The following CCDC7 variants were observed in gnomAD, a reference collection of about 807,000 sequenced individuals.
CCDC7 encodes the protein coiled-coil domain-containing protein 7.
Under a neutral mutation model 196.9 loss-of-function variants are expected in CCDC7, and 183 were observed. The ratio of observed to expected loss-of-function variants is 0.93; its 90% CI spans 0.82 to 1.05. The LOEUF is 1.05. Ranked by LOEUF, CCDC7 falls within the 50% of genes least tolerant of loss-of-function variation. The pLI is 0.00. For synonymous variants in CCDC7, 525 were observed against 484.6 expected (o/e 1.08, Z -1.10); for missense variants, 1,540 against 1,482.2 (o/e 1.04, Z -0.64).
intron 24 of CCDC7, among the ~76,000 whole-genome samples, chr10:32,707,842 A>T (rs1046090992): frequency 9.2e-5 from 14 of 152,208 alleles, no homozygotes; most frequent in African/African-American, 3.4e-4. Flanking sequence ...AAATGGAAGA[A>T]CATCCCATAC....
chr10:32,843,626 T>C (rs1216144818), intron 33 of CCDC7, among the ~76,000 whole-genome samples: 3 of 152,048 alleles, frequency 2.0e-5, no homozygotes, highest in African/African-American at 7.2e-5. Flanking sequence ...AGATTGTAAA[T>C]TACTTTAGCA....
At chr10:32,597,906 C>T (rs117144558) in intron 18 of CCDC7, among the ~76,000 whole-genome samples, 6,498 of 152,272 alleles carry the variant, frequency 0.043, 140 homozygotes, top group Middle Eastern at 0.065. Context: ...AGGTGTCAGT[C>T]GCCCCCCTAC....
At chr10:32,659,790 A>C (rs974247011) in intron 20 of CCDC7, among the ~76,000 whole-genome samples, 2 of 152,184 alleles carry the variant, frequency 1.3e-5, no homozygotes, top group Non-Finnish European at 2.9e-5. Context: ...TCTCACACCA[A>C]TCAGAATGGC....
intron 26 of CCDC7, among the ~76,000 whole-genome samples, chr10:32,728,663 C>A (rs16933664): frequency 0.046 from 6,975 of 152,180 alleles, 535 homozygotes; most frequent in African/African-American, 0.16. Flanking sequence ...AAAGTATAAA[C>A]TCATGAATCC....
intron 8 of CCDC7, among the ~76,000 whole-genome samples, chr10:32,490,922 G>T (rs1008295381): frequency 5.9e-5 from 9 of 152,092 alleles, no homozygotes; most frequent in African/African-American, 2.2e-4. Context: ...GCTTCTCCCA[G>T]TATCCTATTT....
intron 28 of CCDC7, among the ~76,000 whole-genome samples, chr10:32,747,238 A>C (rs111605311): frequency 1.6e-4 from 24 of 152,228 alleles, no homozygotes; most frequent in African/African-American, 5.8e-4. Flanking sequence ...AAAGACTTAA[A>C]TGTAAAACCT....
chr10:32,816,789 G>A (rs533514225), intron 31 of CCDC7, among the ~76,000 whole-genome samples: 5 of 152,140 alleles, frequency 3.3e-5, no homozygotes, highest in African/African-American at 1.2e-4. Flanking sequence ...ACTATTAGAA[G>A]GAAAACTAAC....
At chr10:32,738,380 A>G (rs1442035000) in intron 28 of CCDC7, among the ~76,000 whole-genome samples, 1 of 151,974 alleles carries the variant, frequency 6.6e-6, no homozygotes, top group Non-Finnish European at 1.5e-5. Flanking sequence ...TATATAAGCT[A>G]TAATCATGGA....
chr10:32,682,584 G>GTT lies in CCDC7; in HGVS notation c.2123-3385_2123-3384insTT, dbSNP rs537659794. 2.5e-4 allele frequency among the ~76,000 whole-genome samples: 38 copies of GTT among 152,276 alleles called. 1 individual carries two copies. In the East Asian group the frequency reaches 7.1e-3, roughly 29 times the overall value. ...AGAAATTTCCAAACTGTTTTCCACA[G>GTT]TGGCTGAACTTATTTACATTCCCAT... On this transcript the variant is annotated intron_variant, in intron 21 of 41. Coordinates refer to ENST00000639629, the Ensembl canonical transcript of CCDC7.
intron 24 of CCDC7, among the ~76,000 whole-genome samples, chr10:32,710,378 G>T (rs1376089330): frequency 6.6e-6 from 1 of 152,140 alleles, no homozygotes; most frequent in Non-Finnish European, 1.5e-5. Flanking sequence ...AAATCAGCTC[G>T]CAGGTTCTCT....
rs189627598 is a variant in CCDC7, at chr10:32,800,921, C to T, written c.3014-4094C>T. 7.9e-3 allele frequency among the ~76,000 whole-genome samples: 1,204 copies of T among 152,214 alleles called. 7 individuals are homozygous for T. The highest frequency in any genetic ancestry group is 0.02 in the Middle Eastern group (6 of 294). ...CTAGCAATTTCACTTCTAGAAACACCGTGATTAATTAGCCAATGCCAGAGC... is the reference window on the plus strand; with the variant it reads ...CTAGCAATTTCACTTCTAGAAACACTGTGATTAATTAGCCAATGCCAGAGC... On this transcript the variant is annotated intron_variant, in intron 29 of 41. Coordinates refer to ENST00000639629, the Ensembl canonical transcript of CCDC7.
At chr10:32,454,488 C>T (rs867403188) in intron 2 of CCDC7, among the ~76,000 whole-genome samples, 3 of 151,736 alleles carry the variant, frequency 2.0e-5, no homozygotes, top group Admixed American at 6.6e-5. Context: ...ACTTGGGTGA[C>T]GGGATCATTG....
chr10:32,694,968 C>T, exon 24 of CCDC7: 1 of 1,598,776 alleles, frequency 6.3e-7, no homozygotes, highest in Non-Finnish European at 8.5e-7. Context: ...AACCAAAAAA[C>T]TTCCTAGAGA....
intron 9 of CCDC7, among the ~76,000 whole-genome samples, chr10:32,493,725 C>G (rs1461843821): frequency 3.3e-5 from 5 of 151,768 alleles, no homozygotes; most frequent in African/African-American, 1.2e-4. Flanking sequence ...TTGATAATAG[C>G]CATTTTTTTT....
At chr10:32,628,591 T>A (rs889936238) in intron 18 of CCDC7, among the ~76,000 whole-genome samples, 2 of 152,026 alleles carry the variant, frequency 1.3e-5, no homozygotes, top group African/African-American at 4.8e-5. Context: ...CGAATAATGT[T>A]AAATTTTTGA....
At chr10:32,468,447 G>A (rs1039445462) in intron 5 of CCDC7, among the ~76,000 whole-genome samples, 8 of 152,138 alleles carry the variant, frequency 5.3e-5, no homozygotes, top group East Asian at 1.9e-4. Context: ...TTGAGACTTC[G>A]CTGAGGCTGT....
chr10:32,673,577 TAAAAC>T (rs1045843526), intron 21 of CCDC7, among the ~76,000 whole-genome samples: 4 of 151,762 alleles, frequency 2.6e-5, no homozygotes, highest in Admixed American at 6.6e-5. Flanking sequence ...GTTAGTATAT[TAAAAC>T]AAAACCAATT....
chr10:32,743,998 G>A (rs1187298174), intron 28 of CCDC7, among the ~76,000 whole-genome samples: 1 of 109,924 alleles, frequency 9.1e-6, no homozygotes, highest in Non-Finnish European at 1.8e-5. Context: ...TGGGGTGGGG[G>A]GAGGGGGGAG....
chr10:32,463,197 T>A, intron 5 of CCDC7, 148 bp downstream of exon 6: 1 of 966,432 alleles, frequency 1.0e-6, no homozygotes, highest in South Asian at 1.7e-5. Flanking sequence ...AGACAAGGAA[T>A]AAGTGGATGG....
Sources: gnomAD v4.1 joint callset for allele counts (sites outside exome capture counted in the v4.1 genomes callset) on GRCh38, gnomAD v4.1.1 for gene constraint, MANE v1.5 for transcripts, NCBI Gene and HGNC (gene_info 2026-07-23, HGNC 2026-07-21) for gene names.